Variants in GRM1 observed in about 807,000 individuals in gnomAD.
The protein encoded by GRM1 is metabotropic glutamate receptor 1.
In GRM1, 33 loss-of-function variants were observed where a neutral mutation model predicts 90.9. That is an observed-to-expected ratio of 0.36 (90% CI 0.28 to 0.49). GRM1 has a LOEUF of 0.49. Among genes scored for constraint, GRM1 ranks in the 20% least tolerant of loss-of-function variants. The pLI, the probability that GRM1 is intolerant of heterozygous loss-of-function variation, is 0.99. For missense variants in GRM1, 1,190 were observed against 1,534.3 expected (o/e 0.78, Z 3.75); for synonymous variants, 700 against 613.2 (o/e 1.14, Z -2.09).
rs908877014 is a variant in GRM1 at position 146,160,408 on chromosome 6, C to T, written c.950+811C>T. Among the ~76,000 whole-genome samples the T allele has an allele frequency of 3.3e-5, 5 of 152,258 alleles. 1 individual carries two copies. The South Asian group carries it at 1.0e-3, about 32-fold the overall frequency. On this transcript the variant is annotated intron_variant, in intron 2 of 7. Coordinates refer to ENST00000282753, the MANE Select transcript of GRM1 (RefSeq NM_001278064.2). ...CTGGATTTTTCATAGGGCTTTTGAC[C>T]TAACAGATATCTTGTTTAATTTGCC...
At chr6:146,432,945 G>T (rs1778466876) in intron 7 of GRM1, among the ~76,000 whole-genome samples, 1 of 152,116 alleles carries the variant, frequency 6.6e-6, no homozygotes, top group African/African-American at 2.4e-5. Flanking sequence ...GATGCTCCTG[G>T]CACCCTAAGA....
At chr6:146,213,280 G>C (rs1470805649) in intron 2 of GRM1, among the ~76,000 whole-genome samples, 1 of 152,040 alleles carries the variant, frequency 6.6e-6, no homozygotes, top group Non-Finnish European at 1.5e-5. Context: ...TGAGAGGGTT[G>C]GAGTGTCCAG....
chr6:146,034,663 A>G (rs966898989), intron 1 of GRM1, among the ~76,000 whole-genome samples: 1 of 151,954 alleles, frequency 6.6e-6, no homozygotes. Context: ...TAAAACCTGA[A>G]TAAGATAAGG....
In GRM1 at chr6:146,346,482, A is replaced by G. The variant is rs558876786; in HGVS notation, c.1187-5768A>G. 6.6e-5 allele frequency among the ~76,000 whole-genome samples: 10 copies of G among 152,366 alleles called. No homozygotes were observed. In the East Asian group the frequency reaches 1.9e-3, roughly 29 times the overall value. On this transcript the variant is annotated intron_variant, in intron 3 of 7. Coordinates refer to ENST00000282753, the MANE Select transcript of GRM1 (RefSeq NM_001278064.2). ...TTATATTTTTCTATGATGTCAGCAGAGATAACCCTTTAGGGAAAGAGTAAA... is the reference window on the plus strand; with the variant it reads ...TTATATTTTTCTATGATGTCAGCAGGGATAACCCTTTAGGGAAAGAGTAAA...
At chr6:146,083,584 G>A (rs1027120098) in intron 1 of GRM1, among the ~76,000 whole-genome samples, 9 of 152,224 alleles carry the variant, frequency 5.9e-5, no homozygotes, top group East Asian at 1.9e-4. Context: ...GGATGAAGCC[G>A]ACTTGATCAT....
At chr6:146,252,385 C>T (rs541303940) in intron 2 of GRM1, among the ~76,000 whole-genome samples, 3 of 152,136 alleles carry the variant, frequency 2.0e-5, no homozygotes, top group East Asian at 1.9e-4. Context: ...CGCCTGTAAT[C>T]CCAGCACTTT....
chr6:146,371,296 C>T lies in GRM1; in HGVS notation c.1602+13602C>T, dbSNP rs375741620. On this transcript the variant is annotated intron_variant, in intron 5 of 7. Coordinates refer to ENST00000282753, the MANE Select transcript of GRM1 (RefSeq NM_001278064.2). ...TAGCTCCTTTCTCTTACAGCTGACT[C>T]TCCCACAGTTCTTTTTACTTTTTAT... is the stretch of plus-strand genomic sequence containing the variant. Among the ~76,000 whole-genome samples the T allele has an allele frequency of 1.3e-3, 195 of 152,160 alleles. 5 individuals are homozygous for T. In the South Asian group the frequency reaches 0.038, roughly 30 times the overall value.
rs73577141 is a variant in GRM1 at position 146,267,427 on chromosome 6, G to A, written c.951-37184G>A. ...TCATGTATTAGTCAGGGTTCTCTTA[G>A]AGGGTCAGAACCAATAGAATATATA... On this transcript the variant is annotated intron_variant, in intron 2 of 7. Transcript: ENST00000282753. Among the ~76,000 whole-genome samples the A allele has an allele frequency of 8.5e-3, 1,299 of 152,212 alleles. 20 individuals carry two copies. Among genetic ancestry groups the A allele is most frequent in the African/African-American group, 0.03 (1,233 of 41,512 alleles).
At chr6:146,132,255 T>C (rs1776427420) in intron 1 of GRM1, among the ~76,000 whole-genome samples, 1 of 152,006 alleles carries the variant, frequency 6.6e-6, no homozygotes, top group African/African-American at 2.4e-5. Context: ...AGGTTGAGAA[T>C]GGATCGGAGA....
At position 146,352,206 on chromosome 6, in the gene GRM1, T is replaced by C. The variant is rs201039983; in HGVS notation, c.1187-44T>C. On this transcript the variant is annotated intron_variant, in intron 3 of 7. Transcript: ENST00000282753. ...GAGAATTAAACCTGGGAGCCTAGTCTTTATCATTGTGACCTTGGTAGTGAT... is the reference window on the plus strand; with the variant it reads ...GAGAATTAAACCTGGGAGCCTAGTCCTTATCATTGTGACCTTGGTAGTGAT... 1.5e-3 allele frequency: 2,378 copies of C among 1,604,794 alleles called. 28 individuals are homozygous for C. In the South Asian group the frequency reaches 0.016, roughly 11 times the overall value.
rs535298164 is a variant in GRM1 at position 146,144,705 on chromosome 6, AAG to A, written c.701-14639_701-14638del. Among the ~76,000 whole-genome samples, 9 of 152,338 alleles carry A rather than the reference AAG, an allele frequency of 5.9e-5. No homozygotes were observed. In the South Asian group the frequency reaches 1.7e-3, roughly 28 times the overall value. On this transcript the variant is annotated intron_variant, in intron 1 of 7. Transcript: ENST00000282753. The stretch of plus-strand genomic sequence containing the variant: ...TGTGGAAGTGGCTTTAGAACTGGGT[AAG>A]AGACTGGAAGAGTTTAGAGGAGCAG...
chr6:146,262,084 CA>C (rs11392952), intron 2 of GRM1, among the ~76,000 whole-genome samples: 1,589 of 101,316 alleles, frequency 0.016, 10 homozygotes, highest in Admixed American at 0.021. Context: ...GAAAACAAAA[CA>C]AAAAAAAAAA....
intron 5 of GRM1, among the ~76,000 whole-genome samples, chr6:146,359,578 C>T (rs976326240): frequency 6.6e-6 from 1 of 152,172 alleles, no homozygotes; most frequent in South Asian, 2.1e-4. Flanking sequence ...GATTTGCTGT[C>T]CTCAAGCTCC....
chr6:146,044,003 A>G (rs1791231233), intron 1 of GRM1, among the ~76,000 whole-genome samples: 1 of 151,682 alleles, frequency 6.6e-6, no homozygotes, highest in South Asian at 2.1e-4. Context: ...TGATCACATA[A>G]CAGAAGAGAA....
At chr6:146,295,970 C>T (rs891887838) in intron 2 of GRM1, among the ~76,000 whole-genome samples, 5 of 152,068 alleles carry the variant, frequency 3.3e-5, no homozygotes, top group South Asian at 2.1e-4. Context: ...TGAGAACATC[C>T]GGTATTTGGT....
At chr6:146,256,552 G>C (rs995576175) in intron 2 of GRM1, among the ~76,000 whole-genome samples, 2 of 152,056 alleles carry the variant, frequency 1.3e-5, no homozygotes, top group Admixed American at 1.3e-4. Flanking sequence ...GTTTATCTAA[G>C]GCTAGGGCTC....
chr6:146,155,129 G>A (rs73785481), intron 1 of GRM1, among the ~76,000 whole-genome samples: 6,578 of 152,010 alleles, frequency 0.043, 176 homozygotes, highest in Admixed American at 0.061. Flanking sequence ...ATTTTCTCGT[G>A]GAGATTACAT....
intron 5 of GRM1, among the ~76,000 whole-genome samples, chr6:146,361,135 A>C: frequency 6.6e-6 from 1 of 152,218 alleles, no homozygotes; most frequent in Non-Finnish European, 1.5e-5. Flanking sequence ...AAGCAATGTG[A>C]GGAGTGAGAG....
At chr6:146,174,327 A>G (rs1248160090) in intron 2 of GRM1, among the ~76,000 whole-genome samples, 1 of 152,152 alleles carries the variant, frequency 6.6e-6, no homozygotes, top group African/African-American at 2.4e-5. Context: ...TTCTGGATTT[A>G]GCATTCCTTT....
Sources: allele counts gnomAD v4.1 joint callset (sites outside exome capture counted in the v4.1 genomes callset), GRCh38; gene constraint gnomAD v4.1.1; transcripts MANE v1.5; gene names NCBI Gene and HGNC (gene_info 2026-07-23, HGNC 2026-07-21).